PTPRT: variants seen among roughly 807,000 people sequenced by gnomAD.
The protein encoded by PTPRT is receptor-type tyrosine-protein phosphatase T.
PTPRT carries 56 observed loss-of-function variants against 176.8 expected under a neutral mutation model. The ratio of observed to expected loss-of-function variants is 0.32; its 90% confidence interval spans 0.26 to 0.40. The LOEUF (loss-of-function observed/expected upper bound fraction) is 0.40, where lower values mean the gene tolerates loss of function less well. Among genes scored for constraint, PTPRT ranks in the 10% least tolerant of loss-of-function variants. The pLI is 1.00. For synonymous variants in PTPRT, 783 were observed against 739.0 expected (o/e 1.06, Z -0.96); for missense variants, 1,540 against 1,908.2 (o/e 0.81, Z 3.60).
At chr20:42,106,729 T>C in intron 24 of PTPRT, 57 bp downstream of exon 24, 1 of 1,580,516 alleles carries the variant, frequency 6.3e-7, no homozygotes, top group Non-Finnish European at 8.6e-7. Flanking sequence ...TCTATCATCA[T>C]GTTTCTCCTT....
At chr20:42,133,340 T>C (rs1328210240) in intron 18 of PTPRT, among the ~76,000 whole-genome samples, 1 of 152,190 alleles carries the variant, frequency 6.6e-6, no homozygotes, top group Non-Finnish European at 1.5e-5. Context: ...ATCCATACAA[T>C]GGCCTATGGT....
At chr20:43,142,817 T>A (rs2014057767) in intron 1 of PTPRT, among the ~76,000 whole-genome samples, 2 of 151,978 alleles carry the variant, frequency 1.3e-5, no homozygotes, top group Admixed American at 6.6e-5. Flanking sequence ...CCCAGTGGAG[T>A]CTTACAGTCT....
chr20:42,119,851 G>A lies in PTPRT; in HGVS notation c.2884+84C>T, dbSNP rs186729261. 1.1e-5 allele frequency: 14 copies of A among 1,255,940 alleles called. No individual in the cohort carries two copies. In the African/African-American group the frequency reaches 1.8e-4, roughly 16 times the overall value. 77.8% of individuals were successfully genotyped at this position (1,255,940 alleles called of 1,614,324 possible). On this transcript the variant is annotated intron_variant, in intron 20 of 30. Coordinates refer to ENST00000373187, the MANE Select transcript of PTPRT (RefSeq NM_007050.6). ...TTGGAGTAACAGATATAGGAGGAGA[G>A]GACAAGCCTTGCAGTTAAGAGAGCC...
chr20:42,545,015 A>C (rs981386482), intron 7 of PTPRT, among the ~76,000 whole-genome samples: 2 of 152,162 alleles, frequency 1.3e-5, no homozygotes, highest in African/African-American at 4.8e-5. Context: ...AGGCCTGGGC[A>C]GAAAACTAGC....
chr20:43,179,944 G>A (rs1209746623), intron 1 of PTPRT, among the ~76,000 whole-genome samples: 1 of 152,200 alleles, frequency 6.6e-6, no homozygotes, highest in Non-Finnish European at 1.5e-5. Flanking sequence ...GCTAACAGAT[G>A]CCCAGCTAGC....
At chr20:42,642,752 C>G (rs2074789294) in intron 7 of PTPRT, among the ~76,000 whole-genome samples, 1 of 152,118 alleles carries the variant, frequency 6.6e-6, no homozygotes, top group Admixed American at 6.5e-5. Context: ...CAAGGATTAA[C>G]CCCACTTTGG....
intron 9 of PTPRT, among the ~76,000 whole-genome samples, chr20:42,433,988 G>A (rs2059238804): frequency 6.6e-6 from 1 of 152,016 alleles, no homozygotes; most frequent in South Asian, 2.1e-4. Flanking sequence ...AGTAAATACG[G>A]TCCATATGTT....
At chr20:42,561,720 A>G (rs1363024459) in intron 7 of PTPRT, among the ~76,000 whole-genome samples, 1 of 152,218 alleles carries the variant, frequency 6.6e-6, no homozygotes, top group Non-Finnish European at 1.5e-5. Context: ...GTGAGGGATC[A>G]GGAGAACTCT....
chr20:43,141,105 T>C (rs1267817860), intron 1 of PTPRT, among the ~76,000 whole-genome samples: 1 of 152,240 alleles, frequency 6.6e-6, no homozygotes, highest in Non-Finnish European at 1.5e-5. Context: ...TAAGAAATCC[T>C]GAAGCAAAAT....
intron 1 of PTPRT, among the ~76,000 whole-genome samples, chr20:43,016,120 A>G (rs1314151375): frequency 6.6e-6 from 1 of 151,994 alleles, no homozygotes; most frequent in African/African-American, 2.4e-5. Context: ...GTCCTGTCCA[A>G]GGGGGTCTAC....
intron 11 of PTPRT, among the ~76,000 whole-genome samples, chr20:42,329,504 T>TACACACAC (rs1254341273): frequency 3.3e-5 from 4 of 121,232 alleles, no homozygotes; most frequent in East Asian, 2.2e-4. Context: ...CACACACACA[T>TACACACAC]ACACACACAC....
At chr20:42,948,983 T>G (rs570689196) in intron 1 of PTPRT, among the ~76,000 whole-genome samples, 1 of 152,332 alleles carries the variant, frequency 6.6e-6, no homozygotes, top group African/African-American at 2.4e-5. Context: ...CTGCTCACCA[T>G]GTACACAACC....
chr20:42,415,783 G>A (rs2059060660), intron 9 of PTPRT, among the ~76,000 whole-genome samples: 1 of 152,198 alleles, frequency 6.6e-6, no homozygotes, highest in African/African-American at 2.4e-5. Flanking sequence ...GTGTACATGG[G>A]AGTGATGCTG....
intron 24 of PTPRT, 119 bp from the exon 25 acceptor site, chr20:42,104,837 G>T: frequency 8.9e-7 from 1 of 1,125,950 alleles, no homozygotes; most frequent in Non-Finnish European, 1.2e-6. Context: ...TATATTACAG[G>T]ATCCTTACTT....
At chr20:42,372,835 AACC>A (rs930936866) in intron 9 of PTPRT, among the ~76,000 whole-genome samples, 1 of 152,172 alleles carries the variant, frequency 6.6e-6, no homozygotes, top group African/African-American at 2.4e-5. Context: ...CGAGAAAGAG[AACC>A]CACCCCAGAC....
intron 15 of PTPRT, among the ~76,000 whole-genome samples, chr20:42,202,468 C>T (rs1991493024): frequency 6.6e-6 from 1 of 152,054 alleles, no homozygotes; most frequent in Non-Finnish European, 1.5e-5. Flanking sequence ...GGCAGATATA[C>T]AACAAGAAAT....
intron 1 of PTPRT, among the ~76,000 whole-genome samples, chr20:43,188,758 G>GC (rs1377729918): frequency 2.7e-5 from 4 of 149,674 alleles, no homozygotes; most frequent in South Asian, 4.3e-4. Flanking sequence ...TTGGGGGGGG[G>GC]GGGGCTCGGG....
intron 6 of PTPRT, among the ~76,000 whole-genome samples, chr20:42,686,585 G>A (rs777830146): frequency 1.1e-4 from 15 of 142,740 alleles, no homozygotes; most frequent in Non-Finnish European, 2.3e-4. Flanking sequence ...CCGGGTTCAA[G>A]TGATTCTCCT....
At chr20:42,749,998 A>G (rs1296791624) in intron 6 of PTPRT, among the ~76,000 whole-genome samples, 1 of 152,206 alleles carries the variant, frequency 6.6e-6, no homozygotes, top group African/African-American at 2.4e-5. Context: ...TACAGTCTCA[A>G]GAAACTTGTA....
Sources: allele counts gnomAD v4.1 joint callset (sites outside exome capture counted in the v4.1 genomes callset), GRCh38; gene constraint gnomAD v4.1.1; transcripts MANE v1.5; gene names NCBI Gene and HGNC (gene_info 2026-07-23, HGNC 2026-07-21).